Variants in GTF2IRD1 observed in about 807,000 individuals in gnomAD.
The protein encoded by GTF2IRD1 is general transcription factor II-I repeat domain-containing protein 1.
Under a neutral mutation model 113.2 loss-of-function variants are expected in GTF2IRD1, and 26 were observed. The ratio of observed to expected loss-of-function variants is 0.23; its 90% CI spans 0.17 to 0.32. The LOEUF (loss-of-function observed/expected upper bound fraction) is 0.32, where lower values mean the gene tolerates loss of function less well. GTF2IRD1 is among the 10% of genes least tolerant of loss of function. The probability of loss-of-function intolerance (pLI) is 1.00; values close to 1 mark genes in which losing one functional copy is unlikely to be tolerated. For synonymous variants in GTF2IRD1, 484 were observed against 529.1 expected (o/e 0.91, Z 1.17); for missense variants, 864 against 1,280.8 (o/e 0.67, Z 4.97).
chr7:74,514,035 G>A (rs939606892), intron 3 of GTF2IRD1, among the ~76,000 whole-genome samples: 2 of 152,072 alleles, frequency 1.3e-5, no homozygotes, highest in Admixed American at 6.5e-5. Context: ...ATAGCATGAG[G>A]TTAAGAGAAC....
chr7:74,505,299 C>A (rs549160399), intron 1 of GTF2IRD1, among the ~76,000 whole-genome samples: 1 of 152,224 alleles, frequency 6.6e-6, no homozygotes, highest in East Asian at 1.9e-4. Context: ...CATCTTCCCC[C>A]GCTTCTCCTG....
In GTF2IRD1 at chr7:74,538,144, A is replaced by G. The variant is rs144040168; in HGVS notation, c.1418A>G (p.Lys473Arg). The stretch of plus-strand genomic sequence containing the variant: ...CCTGCTTCCCTTCACAGGTCAGACA[A>G]GGGCAGCATGTCTGAAGACTGTGGG... ...LDLAGNARSD[K>R]GSMSEDCGPG... The change falls in exon 12 of 27, where the codon AAG becomes AGG. Residue 473 changes from lysine to arginine, a missense_variant. By Grantham distance (26) the Lys-to-Arg change is conservative. Transcript: ENST00000424337. 1.5e-4 allele frequency: 249 copies of G among 1,612,146 alleles called. 1 individual carries two copies. The highest frequency in any genetic ancestry group is 2.0e-4 in the Non-Finnish European group (237 of 1,179,752).
chr7:74,564,775 A>G (rs1251745755), intron 22 of GTF2IRD1, among the ~76,000 whole-genome samples: 2 of 152,064 alleles, frequency 1.3e-5, no homozygotes, highest in Non-Finnish European at 2.9e-5. Flanking sequence ...ATAAGCCCAG[A>G]ATGTCTTTAA....
At chr7:74,478,482 G>T (rs1794556469) in intron 1 of GTF2IRD1, among the ~76,000 whole-genome samples, 1 of 152,074 alleles carries the variant, frequency 6.6e-6, no homozygotes, top group Non-Finnish European at 1.5e-5. Context: ...TAGAGACAGG[G>T]TCTTGCTCTG....
chr7:74,550,053 C>T (rs1462905017), intron 17 of GTF2IRD1, among the ~76,000 whole-genome samples: 3 of 151,652 alleles, frequency 2.0e-5, no homozygotes, highest in African/African-American at 7.3e-5. Context: ...AAAAAATTAG[C>T]CAGGCATGGT....
chr7:74,463,655 C>T (rs147877429), intron 1 of GTF2IRD1, among the ~76,000 whole-genome samples: 6 of 151,814 alleles, frequency 4.0e-5, no homozygotes, highest in African/African-American at 7.2e-5. Flanking sequence ...CACCAAGGAG[C>T]GGGTGGTGGG....
At chr7:74,524,998 C>G (rs1554346924) in intron 8 of GTF2IRD1, among the ~76,000 whole-genome samples, 3 of 152,106 alleles carry the variant, frequency 2.0e-5, no homozygotes, top group African/African-American at 7.2e-5. Flanking sequence ...GATTGTACCC[C>G]TGCACTCCAG....
At chr7:74,484,453 CTTTTTT>C (rs1173256681) in intron 1 of GTF2IRD1, among the ~76,000 whole-genome samples, 65 of 126,094 alleles carry the variant, frequency 5.2e-4, no homozygotes, top group African/African-American at 1.9e-3. Flanking sequence ...GGCCATCCTT[CTTTTTT>C]TTTTTTTTTT....
chr7:74,569,595 G>A (rs1207148753), intron 22 of GTF2IRD1, among the ~76,000 whole-genome samples: 6 of 152,146 alleles, frequency 3.9e-5, no homozygotes, highest in African/African-American at 1.2e-4. Flanking sequence ...GTAATGATAC[G>A]ATCAGATTTG....
intron 11 of GTF2IRD1, among the ~76,000 whole-genome samples, chr7:74,537,901 G>A (rs1798394164): frequency 6.6e-6 from 1 of 152,266 alleles, no homozygotes; most frequent in Admixed American, 6.5e-5. Flanking sequence ...AGGAGAGTGA[G>A]CAGGTGCCTG....
At chr7:74,548,152 T>TCA (rs1799071144) in intron 17 of GTF2IRD1, among the ~76,000 whole-genome samples, 1 of 152,098 alleles carries the variant, frequency 6.6e-6, no homozygotes, top group Admixed American at 6.6e-5. Flanking sequence ...GCGCGGTGGC[T>TCA]CACGCCTGTA....
chr7:74,579,676 G>C lies in GTF2IRD1; in HGVS notation c.2321-10175G>C, dbSNP rs79063354. The stretch of plus-strand genomic sequence containing the variant: ...GTAAAATGGGTTTTTGGTAGAGACA[G>C]TGTCTTGCTGTCATTCCGGCTAGAG... On this transcript the variant is annotated intron_variant, in intron 22 of 26. Coordinates refer to ENST00000424337, the MANE Select transcript of GTF2IRD1 (RefSeq NM_005685.4). 7.5e-3 allele frequency among the ~76,000 whole-genome samples: 1,144 copies of C among 152,090 alleles called. 16 individuals carry two copies. The highest frequency in any genetic ancestry group is 0.026 in the African/African-American group (1,087 of 41,460).
chr7:74,546,062 C>G (rs1359228024), intron 16 of GTF2IRD1, among the ~76,000 whole-genome samples: 1 of 151,996 alleles, frequency 6.6e-6, no homozygotes, highest in Non-Finnish European at 1.5e-5. Flanking sequence ...GCCACTCCCT[C>G]CCCTGTAATG....
intron 1 of GTF2IRD1, among the ~76,000 whole-genome samples, chr7:74,501,492 A>G (rs1441485589): frequency 6.6e-6 from 1 of 152,132 alleles, no homozygotes; most frequent in Non-Finnish European, 1.5e-5. Context: ...TACTGAGCCC[A>G]TGCCAGCGAG....
chr7:74,513,047 C>T, intron 3 of GTF2IRD1, 76 bp downstream of exon 3: 1 of 1,420,468 alleles, frequency 7.0e-7, no homozygotes, highest in East Asian at 2.3e-5. Context: ...CTCTGGGTCC[C>T]CAACCCTGTC....
At chr7:74,464,587 A>G (rs772239324) in intron 1 of GTF2IRD1, among the ~76,000 whole-genome samples, 1 of 151,960 alleles carries the variant, frequency 6.6e-6, no homozygotes, top group African/African-American at 2.4e-5. Flanking sequence ...AGCTGGGATT[A>G]CAGGCACCTG....
intron 22 of GTF2IRD1, among the ~76,000 whole-genome samples, chr7:74,565,218 C>T (rs1475614281): frequency 2.6e-5 from 4 of 152,122 alleles, no homozygotes; most frequent in Admixed American, 6.6e-5. Context: ...CTGCCTGCAG[C>T]GGCACTGAAT....
Position 74,515,504 on chromosome 7 carries a change from G to C in GTF2IRD1, c.329G>C (p.Gly110Ala). The change falls in exon 4 of 27, where the codon GGA (glycine) becomes GCA (alanine). Residue 110 changes from glycine (G) to alanine (A), a missense_variant. Coordinates refer to ENST00000424337, the MANE Select transcript of GTF2IRD1 (RefSeq NM_005685.4). ...AAGAAGGTGCAGCGGGGCGAGGGTG[G>C]AGGCCGTAGCCTCCCTCGGTCCTCC... Reference protein sequence around the residue: ...HPKKVQRGEGGGRSLPRSSLE... With the variant: ...HPKKVQRGEGAGRSLPRSSLE... 1 of 1,613,424 alleles carries C rather than the reference G, an allele frequency of 6.2e-7. No individual in the cohort carries two copies. Among genetic ancestry groups the C allele is most frequent in the Non-Finnish European group, 8.5e-7 (1 of 1,179,736 alleles).
intron 25 of GTF2IRD1, among the ~76,000 whole-genome samples, chr7:74,600,257 G>A (rs1033304019): frequency 6.6e-6 from 1 of 151,932 alleles, no homozygotes; most frequent in South Asian, 2.1e-4. Context: ...TAATGATGCA[G>A]AAATACAAAA....
Sources: gnomAD v4.1 joint callset for allele counts (sites outside exome capture counted in the v4.1 genomes callset) on GRCh38, gnomAD v4.1.1 for gene constraint, MANE v1.5 for transcripts, NCBI Gene and HGNC (gene_info 2026-07-23, HGNC 2026-07-21) for gene names.